Variants in TRAK2 observed in about 807,000 individuals in gnomAD.
TRAK2 encodes the protein trafficking kinesin-binding protein 2.
A neutral mutation model predicts 104.6 loss-of-function variants in TRAK2; 81 were observed. That is an observed-to-expected ratio of 0.77 (90% confidence interval 0.65 to 0.93). TRAK2 has a LOEUF of 0.93. Ranked by LOEUF, TRAK2 falls within the 40% of genes least tolerant of loss-of-function variation. TRAK2 has a pLI of 0.00. For missense variants in TRAK2, 1,002 were observed against 1,089.0 expected (o/e 0.92, Z 1.12); for synonymous variants, 406 against 394.4 (o/e 1.03, Z -0.35).
Position 201,380,929 on chromosome 2 carries a change from G to A in TRAK2, c.2359C>T (p.Pro787Ser), listed in dbSNP as rs756945798. ...PPNSPSHSPC[P>S]SPLPFEPRVH... ...CGAGGCTCAAAGGGTAAAGGAGAAG[G>A]GCAAGGTGAGTGAGATGGTGAATTT... The change falls in exon 16 of 16, where the codon CCT becomes TCT. Residue 787 changes from proline to serine, a missense_variant. By Grantham distance (74) the Pro-to-Ser change is moderately conservative. Transcript: ENST00000332624. 6.2e-7 allele frequency: 1 copy of A among 1,614,146 alleles called. No individual in the cohort carries two copies. The highest frequency in any genetic ancestry group is 1.1e-5 in the South Asian group (1 of 91,090).
At chr2:201,399,551 C>A in intron 4 of TRAK2, 58 bp from the exon 5 acceptor site, 1 of 1,353,752 alleles carries the variant, frequency 7.4e-7, no homozygotes, top group South Asian at 1.2e-5. Flanking sequence ...AATGGCAGTT[C>A]AGAAATTTTG....
chr2:201,440,669 A>G (rs566867853), intron 1 of TRAK2, among the ~76,000 whole-genome samples: 11 of 152,360 alleles, frequency 7.2e-5, no homozygotes, highest in Admixed American at 2.6e-4. Context: ...TAAATATGGA[A>G]AAAAGGTTTA....
intron 2 of TRAK2, among the ~76,000 whole-genome samples, chr2:201,417,241 C>CAAAAAAAAAAAAAAAAAGAAAAAAAAA (rs1951700430): frequency 7.9e-5 from 7 of 88,432 alleles, no homozygotes; most frequent in African/African-American, 9.4e-5. Context: ...GAAGACATTG[C>CAAAAAAAAAAAAAAAAAGAAAAAAAAA]AAAAAAAAAA....
chr2:201,434,192 C>T (rs1041656099), intron 1 of TRAK2, among the ~76,000 whole-genome samples: 4 of 152,046 alleles, frequency 2.6e-5, no homozygotes, highest in South Asian at 2.1e-4. Context: ...CTCTTGACCT[C>T]GTGATCCGCC....
intron 7 of TRAK2, among the ~76,000 whole-genome samples, chr2:201,396,518 A>G (rs1055925216): frequency 2.6e-5 from 4 of 152,228 alleles, no homozygotes; most frequent in African/African-American, 9.6e-5. Context: ...TCTATACTGT[A>G]TATATTATGT....
At chr2:201,427,207 G>C (rs1437850720) in intron 1 of TRAK2, among the ~76,000 whole-genome samples, 2 of 152,066 alleles carry the variant, frequency 1.3e-5, no homozygotes, top group Admixed American at 1.3e-4. Flanking sequence ...AAGTTCTAGG[G>C]TACATGTGCA....
At chr2:201,449,879 A>G (rs1952000288) in intron 1 of TRAK2, among the ~76,000 whole-genome samples, 1 of 151,918 alleles carries the variant, frequency 6.6e-6, no homozygotes, top group African/African-American at 2.4e-5. Flanking sequence ...CTTTCAGTAG[A>G]GACGGGTTTC....
At chr2:201,412,993 A>AG in intron 2 of TRAK2, 1 of 775,396 alleles carries the variant, frequency 1.3e-6, no homozygotes, top group South Asian at 1.4e-5. Context: ...ATTCTTCTAA[A>AG]GAATGCTGGA....
chr2:201,428,743 A>G (rs890995001), intron 1 of TRAK2, among the ~76,000 whole-genome samples: 1 of 152,194 alleles, frequency 6.6e-6, no homozygotes, highest in Non-Finnish European at 1.5e-5. Context: ...CATTGAATCT[A>G]TAAATTACCT....
intron 10 of TRAK2, among the ~76,000 whole-genome samples, chr2:201,392,591 T>C (rs1431742283): frequency 6.6e-6 from 1 of 152,134 alleles, no homozygotes; most frequent in Non-Finnish European, 1.5e-5. Flanking sequence ...CTTAAGTAAG[T>C]GGCAGGCTGT....
chr2:201,436,741 C>A (rs1951882268), intron 1 of TRAK2, among the ~76,000 whole-genome samples: 1 of 152,056 alleles, frequency 6.6e-6, no homozygotes, highest in Admixed American at 6.6e-5. Flanking sequence ...TCCTTAAGGC[C>A]TTCAGAAGCA....
At chr2:201,382,761 T>C (rs989098341) in intron 15 of TRAK2, among the ~76,000 whole-genome samples, 1 of 152,234 alleles carries the variant, frequency 6.6e-6, no homozygotes, top group African/African-American at 2.4e-5. Context: ...TTCTATTTTA[T>C]AGACATGGTG....
At chr2:201,434,985 A>G (rs1269212418) in intron 1 of TRAK2, among the ~76,000 whole-genome samples, 1 of 152,256 alleles carries the variant, frequency 6.6e-6, no homozygotes, top group African/African-American at 2.4e-5. Flanking sequence ...GAAATAAGAT[A>G]GCTCAAAAAT....
chr2:201,424,875 G>A (rs1016315224), intron 1 of TRAK2, among the ~76,000 whole-genome samples: 2 of 152,054 alleles, frequency 1.3e-5, no homozygotes, highest in South Asian at 2.1e-4. Context: ...CCAAAGTGCT[G>A]GGATTACAGG....
intron 1 of TRAK2, among the ~76,000 whole-genome samples, chr2:201,424,516 G>A (rs931748742): frequency 1.3e-5 from 2 of 152,030 alleles, no homozygotes; most frequent in African/African-American, 4.8e-5. Context: ...ATGCACTAGT[G>A]TATAACAGGC....
At chr2:201,420,329 A>T in intron 2 of TRAK2, 88 bp downstream of exon 2, 1 of 1,117,208 alleles carries the variant, frequency 9.0e-7, no homozygotes, top group Non-Finnish European at 1.3e-6. Context: ...CTTGGGTTTC[A>T]TCATGATAGG....
chr2:201,394,176 G>C (rs190165444), intron 9 of TRAK2, among the ~76,000 whole-genome samples: 4 of 152,054 alleles, frequency 2.6e-5, no homozygotes, highest in Non-Finnish European at 5.9e-5. Context: ...TTTACTACTA[G>C]AACTTATCTT....
At chr2:201,412,468 A>T in intron 2 of TRAK2, 1 of 1,161,572 alleles carries the variant, frequency 8.6e-7, no homozygotes, top group Non-Finnish European at 1.3e-6. Flanking sequence ...CAACTGATCC[A>T]ACTGCCTACT....
At chr2:201,419,716 C>T (rs1222588293) in intron 2 of TRAK2, among the ~76,000 whole-genome samples, 1 of 151,884 alleles carries the variant, frequency 6.6e-6, no homozygotes, top group Admixed American at 6.6e-5. Context: ...CATAAACATA[C>T]CTCCAATGAT....
Sources: allele counts gnomAD v4.1 joint callset (sites outside exome capture counted in the v4.1 genomes callset), GRCh38; gene constraint gnomAD v4.1.1; transcripts MANE v1.5; gene names NCBI Gene and HGNC (gene_info 2026-07-23, HGNC 2026-07-21).